KIRREL3: variants seen among roughly 807,000 people sequenced by gnomAD.
The protein encoded by KIRREL3 is kin of IRRE-like protein 3.
Under a neutral mutation model 89.7 loss-of-function variants are expected in KIRREL3, and 36 were observed. That is an observed-to-expected ratio of 0.40 (90% confidence interval 0.31 to 0.53). KIRREL3 has a LOEUF of 0.53. KIRREL3 is among the 20% of genes least tolerant of loss of function. The pLI is 0.49. For missense variants in KIRREL3, 864 were observed against 1,056.6 expected (o/e 0.82, Z 2.53); for synonymous variants, 445 against 441.4 (o/e 1.01, Z -0.10).
intron 4 of KIRREL3, among the ~76,000 whole-genome samples, chr11:126,500,147 G>A (rs1034887476): frequency 6.6e-6 from 1 of 152,218 alleles, no homozygotes; most frequent in African/African-American, 2.4e-5. Flanking sequence ...TTTATTATTA[G>A]ATGCTGTTGG....
rs1024800086 is a variant in KIRREL3, at chr11:126,860,742, G to A, written c.55+139713C>T. On this transcript the variant is annotated intron_variant, in intron 1 of 16. Transcript: ENST00000525144. The surrounding 1 kb of genome is among the most constrained non-coding windows in gnomAD (Gnocchi z 4.6). ...AGAATGGGTGGCAGGCCAGTGAGGA[G>A]GCTCCTGCCCTGGTCCAAAGGAGAG... Among the ~76,000 whole-genome samples, 3 of 152,314 alleles carry A rather than the reference G, an allele frequency of 2.0e-5. No homozygotes were observed. The East Asian group carries it at 5.8e-4, about 29-fold the overall frequency.
At position 126,639,795 on chromosome 11, in the gene KIRREL3, C is replaced by T. The variant is rs1202996772; in HGVS notation, c.56-76883G>A. On this transcript the variant is annotated intron_variant, in intron 1 of 16. Coordinates refer to ENST00000525144, the MANE Select transcript of KIRREL3 (RefSeq NM_032531.4). This position sits in a 1 kb window ranked among gnomAD's most constrained non-coding sequence, Gnocchi z 4.3. ...CACTAGGATTCTTGTGAAATAGACACAAGAAGGAGCTAAACTCATTTCAGG... is the reference window on the plus strand; with the variant it reads ...CACTAGGATTCTTGTGAAATAGACATAAGAAGGAGCTAAACTCATTTCAGG... 6.6e-6 allele frequency among the ~76,000 whole-genome samples: 1 copy of T among 152,154 alleles called. No homozygotes were observed. Among genetic ancestry groups the T allele is most frequent in the Non-Finnish European group, 1.5e-5 (1 of 68,028 alleles).
Position 126,424,617 on chromosome 11 carries a change from C to A in KIRREL3, c.2300G>T (p.Ser767Ile). 6.2e-7 allele frequency: 1 copy of A among 1,614,024 alleles called. No homozygotes were observed. The highest frequency in any genetic ancestry group is 8.5e-7 in the Non-Finnish European group (1 of 1,179,902). ...CTGCATCCGCCGCTGCAGGGGTCGA[C>A]TGGGGTCAGAGTTCTGGGACGAGGA... ...SQSSSQNSDP[S>I]RPLQRRMQTH... The change falls in exon 17 of 17, where the codon AGT (serine) becomes ATT (isoleucine). Residue 767 changes from serine (S) to isoleucine (I), a missense_variant. Physicochemically the swap from Ser to Ile is moderately radical, Grantham distance 142. Coordinates refer to ENST00000525144, the MANE Select transcript of KIRREL3 (RefSeq NM_032531.4).
Position 126,448,298 on chromosome 11 carries a change from A to AAAAG in KIRREL3, c.997+707_997+710dup, listed in dbSNP as rs1565459705. ...CTGTCTCAAAAAAAAAAAAAAAAAA[A>AAAAG]AAAGAAATAAAAAGAAAAAGAAGGT... On this transcript the variant is annotated intron_variant, in intron 8 of 16. Transcript: ENST00000525144. Among the ~76,000 whole-genome samples, 18 of 147,314 alleles carry AAAAG rather than the reference A, an allele frequency of 1.2e-4. 2 individuals carry two copies. Among genetic ancestry groups the AAAAG allele is most frequent in the East Asian group, 2.0e-4 (1 of 4,986 alleles).
chr11:126,551,634 G>C lies in KIRREL3; in HGVS notation c.133+11201C>G, dbSNP rs1939271103. On this transcript the variant is annotated intron_variant, in intron 2 of 16. Coordinates refer to ENST00000525144, the MANE Select transcript of KIRREL3 (RefSeq NM_032531.4). The surrounding 1 kb of genome is among the most constrained non-coding windows in gnomAD (Gnocchi z 4.9). ...TTGCATGAATGTCTCCCAGGGTGAG[G>C]CCACTCAGGTTTGCAGGCTTTTTTT... Among the ~76,000 whole-genome samples the C allele has an allele frequency of 6.7e-6, 1 of 150,176 alleles. No homozygotes were observed. The highest frequency in any genetic ancestry group is 2.5e-5 in the African/African-American group (1 of 40,546).
chr11:126,874,939 T>C (rs1245332148), intron 1 of KIRREL3, among the ~76,000 whole-genome samples: 1 of 152,146 alleles, frequency 6.6e-6, no homozygotes, highest in African/African-American at 2.4e-5. Flanking sequence ...CGAGTCCATG[T>C]CATGCTCCCC....
intron 1 of KIRREL3, among the ~76,000 whole-genome samples, chr11:126,632,678 C>CT (rs371211594): frequency 0.5 from 2 of 4 alleles, no homozygotes; most frequent in Non-Finnish European, 0.5. Context: ...TGCTCATCCT[C>CT]CTTCCCTGCC....
In KIRREL3 at chr11:126,553,130, G is replaced by C. The variant is rs1199723126; in HGVS notation, c.133+9705C>G. ...TAGACAACCAATATTTCAATAGCCTGTTGTATTTCTCTATCAAATTCTTAC... is the reference window on the plus strand; with the variant it reads ...TAGACAACCAATATTTCAATAGCCTCTTGTATTTCTCTATCAAATTCTTAC... On this transcript the variant is annotated intron_variant, in intron 2 of 16. Coordinates refer to ENST00000525144, the MANE Select transcript of KIRREL3 (RefSeq NM_032531.4). This position sits in a 1 kb window ranked among gnomAD's most constrained non-coding sequence, Gnocchi z 4.7. Among the ~76,000 whole-genome samples, 1 of 152,170 alleles carries C rather than the reference G, an allele frequency of 6.6e-6. No homozygotes were observed. Among genetic ancestry groups the C allele is most frequent in the Admixed American group, 6.5e-5 (1 of 15,274 alleles).
intron 1 of KIRREL3, among the ~76,000 whole-genome samples, chr11:126,726,215 T>G (rs1239897062): frequency 6.6e-6 from 1 of 152,254 alleles, no homozygotes; most frequent in East Asian, 1.9e-4. Flanking sequence ...GCTCTGACAT[T>G]CAGTGATTCT....
In KIRREL3 at chr11:126,805,795, T is replaced by C. The variant is rs1336630051; in HGVS notation, c.55+194660A>G. 6.6e-6 allele frequency among the ~76,000 whole-genome samples: 1 copy of C among 152,192 alleles called. No homozygotes were observed. The highest frequency in any genetic ancestry group is 2.4e-5 in the African/African-American group (1 of 41,440). ...GGAGGAGGGAATTCTTGATAGTCTC[T>C]GTCTTTCACGGTTTTCCTGCTCAGC... On this transcript the variant is annotated intron_variant, in intron 1 of 16. Transcript: ENST00000525144. This position sits in a 1 kb window ranked among gnomAD's most constrained non-coding sequence, Gnocchi z 4.3.
At chr11:126,493,572 G>A (rs1455201974) in intron 4 of KIRREL3, among the ~76,000 whole-genome samples, 2 of 148,814 alleles carry the variant, frequency 1.3e-5, no homozygotes, top group South Asian at 4.3e-4. Context: ...GGAGAATGGC[G>A]TGAACCCAGG....
chr11:126,466,358 C>A (rs996965339), intron 5 of KIRREL3, among the ~76,000 whole-genome samples: 2 of 152,248 alleles, frequency 1.3e-5, no homozygotes, highest in African/African-American at 4.8e-5. Flanking sequence ...ACCTCCTGGG[C>A]CCCTAGCTCG....
chr11:126,741,917 G>C (rs763482482), intron 1 of KIRREL3, among the ~76,000 whole-genome samples: 28 of 152,226 alleles, frequency 1.8e-4, no homozygotes, highest in Non-Finnish European at 1.5e-4. Context: ...GAGGGGGAGA[G>C]TGAGACTACC....
In KIRREL3 at chr11:126,747,347, C is replaced by T. The variant is rs537213861; in HGVS notation, c.56-184435G>A. 1.3e-5 allele frequency among the ~76,000 whole-genome samples: 2 copies of T among 152,328 alleles called. No homozygotes were observed. The highest frequency in any genetic ancestry group is 6.5e-5 in the Admixed American group (1 of 15,312). On this transcript the variant is annotated intron_variant, in intron 1 of 16. Transcript: ENST00000525144. This position sits in a 1 kb window ranked among gnomAD's most constrained non-coding sequence, Gnocchi z 4.7. Reference sequence around the variant, plus strand: ...GCTCTTTGCTCATTATCTAGCGTAGCGTAAGTCCTCCATACTGAAAGCTAG... The same window carrying T: ...GCTCTTTGCTCATTATCTAGCGTAGTGTAAGTCCTCCATACTGAAAGCTAG...
rs531223211 is a variant in KIRREL3, at chr11:126,472,687, T to C, written c.591+622A>G. On this transcript the variant is annotated intron_variant, in intron 5 of 16. Transcript: ENST00000525144. Reference sequence around the variant, plus strand: ...TATTGTTAGGGTCTTCCCCAGCAGTTACCCTAGGACATAGAGGAGAGAGAG... The same window carrying C: ...TATTGTTAGGGTCTTCCCCAGCAGTCACCCTAGGACATAGAGGAGAGAGAG... 2.8e-4 allele frequency among the ~76,000 whole-genome samples: 30 copies of C among 106,814 alleles called. No homozygotes were observed. In the South Asian group the frequency reaches 9.8e-3, roughly 35 times the overall value. The allele number at this position is 106,814 out of a possible 152,430, so 70.1% of individuals were successfully genotyped here. A position where few individuals can be genotyped will look rare whatever the true frequency, so the allele number is the denominator to read the frequency against.
Position 126,432,234 on chromosome 11 carries a change from G to A in KIRREL3, c.1589-708C>T, listed in dbSNP as rs1955161685. Among the ~76,000 whole-genome samples, 1 of 152,010 alleles carries A rather than the reference G, an allele frequency of 6.6e-6. No homozygotes were observed. Among genetic ancestry groups the A allele is most frequent in the Non-Finnish European group, 1.5e-5 (1 of 67,978 alleles). On this transcript the variant is annotated intron_variant, in intron 13 of 16. Transcript: ENST00000525144. The surrounding 1 kb of genome is among the most constrained non-coding windows in gnomAD (Gnocchi z 6.2). ...CTCTGAGCATCCTTGCACCCCTCCT[G>A]GCAAGAGAGGCCCACACACTGGGCA...
In KIRREL3 at chr11:126,812,298, G is replaced by T. The variant is rs2134426855; in HGVS notation, c.55+188157C>A. Among the ~76,000 whole-genome samples the T allele has an allele frequency of 6.6e-6, 1 of 152,150 alleles. No homozygotes were observed. The highest frequency in any genetic ancestry group is 1.9e-4 in the East Asian group (1 of 5,188). The stretch of plus-strand genomic sequence containing the variant: ...CTATTGTTTTGTAGATGTGGCTGGT[G>T]ATAATAATGAGAAGGACTGGGGGAA... On this transcript the variant is annotated intron_variant, in intron 1 of 16. Coordinates refer to ENST00000525144, the MANE Select transcript of KIRREL3 (RefSeq NM_032531.4). The surrounding 1 kb of genome is among the most constrained non-coding windows in gnomAD (Gnocchi z 5.2).
Position 126,429,403 on chromosome 11 carries a change from C to G in KIRREL3, c.1697-115G>C, listed in dbSNP as rs2134143605. 3 of 712,910 alleles carry G rather than the reference C, an allele frequency of 4.2e-6. No homozygotes were observed. The highest frequency in any genetic ancestry group is 7.5e-6 in the Non-Finnish European group (3 of 401,074). The allele number at this position is 712,910 out of a possible 1,614,324, so 44.2% of individuals were successfully genotyped here. On this transcript the variant is annotated intron_variant, in intron 14 of 16. Coordinates refer to ENST00000525144, the MANE Select transcript of KIRREL3 (RefSeq NM_032531.4). This position sits in a 1 kb window ranked among gnomAD's most constrained non-coding sequence, Gnocchi z 5.2. ...CCACCCTCTGCATTTCCCCTCCAGC[C>G]CCTGAACTCAGCAGCTTCACCAGCC...
chr11:126,562,551 G>A lies in KIRREL3; in HGVS notation c.133+284C>T, dbSNP rs1194667027. ...TGGGCTGGCTGTGGGGTGGGGTGCG[G>A]AAGAAATGGTAGGGAAGAGAGAGGA... is the stretch of plus-strand genomic sequence containing the variant. On this transcript the variant is annotated intron_variant, in intron 2 of 16. Coordinates refer to ENST00000525144, the MANE Select transcript of KIRREL3 (RefSeq NM_032531.4). The surrounding 1 kb of genome is among the most constrained non-coding windows in gnomAD (Gnocchi z 4.7). 1.3e-5 allele frequency among the ~76,000 whole-genome samples: 2 copies of A among 152,166 alleles called. No homozygotes were observed. The highest frequency in any genetic ancestry group is 2.9e-5 in the Non-Finnish European group (2 of 68,018).
Sources: gnomAD v4.1 joint callset for allele counts (sites outside exome capture counted in the v4.1 genomes callset) on GRCh38, gnomAD v4.1.1 for gene constraint, Gnocchi (gnomAD v3.1) non-coding constraint, MANE v1.5 for transcripts, NCBI Gene and HGNC (gene_info 2026-07-23, HGNC 2026-07-21) for gene names.